Variants in NKAIN2 observed in about 807,000 individuals in gnomAD.
The protein encoded by NKAIN2 is sodium/potassium transporting ATPase interacting 2.
A neutral mutation model predicts 32.6 loss-of-function variants in NKAIN2; 14 were observed. That is an observed-to-expected ratio of 0.43 (90% confidence interval 0.28 to 0.67). NKAIN2 has a LOEUF of 0.67. NKAIN2 is among the 30% of genes least tolerant of loss of function. The probability of loss-of-function intolerance (pLI) is 0.17; values close to 1 mark genes in which losing one functional copy is unlikely to be tolerated. For synonymous variants in NKAIN2, 80 were observed against 87.2 expected (o/e 0.92, Z 0.46); for missense variants, 198 against 258.3 (o/e 0.77, Z 1.60).
At chr6:124,138,246 CTAAT>C (rs1339596040) in intron 1 of NKAIN2, among the ~76,000 whole-genome samples, 3 of 152,108 alleles carry the variant, frequency 2.0e-5, no homozygotes, top group African/African-American at 4.8e-5. Flanking sequence ...TTGAAAATCA[CTAAT>C]TATCAGGGAA....
At chr6:124,479,487 G>T (rs1307011850) in intron 3 of NKAIN2, among the ~76,000 whole-genome samples, 1 of 152,108 alleles carries the variant, frequency 6.6e-6, no homozygotes, top group Non-Finnish European at 1.5e-5. Context: ...CTGATCTGTT[G>T]CCCTGTCTGC....
chr6:124,413,479 A>T (rs1177432888), intron 3 of NKAIN2, among the ~76,000 whole-genome samples: 1 of 152,140 alleles, frequency 6.6e-6, no homozygotes, highest in Non-Finnish European at 1.5e-5. Context: ...TTGAAATCAG[A>T]TGGTATTTGT....
intron 4 of NKAIN2, among the ~76,000 whole-genome samples, chr6:124,671,040 T>C (rs937692025): frequency 3.9e-5 from 6 of 152,118 alleles, no homozygotes; most frequent in South Asian, 4.1e-4. Context: ...AAACAAACAA[T>C]ATATTTTTAG....
At chr6:124,370,156 A>G (rs1799692275) in intron 3 of NKAIN2, among the ~76,000 whole-genome samples, 1 of 151,128 alleles carries the variant, frequency 6.6e-6, no homozygotes, top group Non-Finnish European at 1.5e-5. Context: ...GCTACAGGTA[A>G]CCAGGGAGCA....
chr6:124,266,153 C>T (rs1794484355), intron 1 of NKAIN2, among the ~76,000 whole-genome samples: 2 of 152,042 alleles, frequency 1.3e-5, no homozygotes, highest in African/African-American at 4.8e-5. Context: ...CATGATGATT[C>T]TTTATATAAA....
At chr6:124,123,693 T>C (rs1786006430) in intron 1 of NKAIN2, among the ~76,000 whole-genome samples, 1 of 152,148 alleles carries the variant, frequency 6.6e-6, no homozygotes, top group African/African-American at 2.4e-5. Flanking sequence ...CATAATGACT[T>C]TGTGGTCTTA....
intron 2 of NKAIN2, among the ~76,000 whole-genome samples, chr6:124,324,029 G>A (rs2626125): frequency 0.036 from 5,406 of 151,966 alleles, 168 homozygotes; most frequent in African/African-American, 0.085. Flanking sequence ...CTGACCTCGT[G>A]ATCCACCCGC....
chr6:124,181,856 C>A (rs1263483453), intron 1 of NKAIN2, among the ~76,000 whole-genome samples: 1 of 152,162 alleles, frequency 6.6e-6, no homozygotes, highest in African/African-American at 2.4e-5. Context: ...TTTCCCACAT[C>A]TTTGTGTCTT....
At position 124,585,041 on chromosome 6, in the gene NKAIN2, A is replaced by G. The variant is rs541242321; in HGVS notation, c.274-73145A>G. ...ATTACAGCACTATTTGCAATAACCAATATTTTGAAGCAACCTAAGTGTCCA... is the reference window on the plus strand; with the variant it reads ...ATTACAGCACTATTTGCAATAACCAGTATTTTGAAGCAACCTAAGTGTCCA... On this transcript the variant is annotated intron_variant, in intron 3 of 6. Coordinates refer to ENST00000368417, the MANE Select transcript of NKAIN2 (RefSeq NM_001040214.3). Among the ~76,000 whole-genome samples the G allele has an allele frequency of 6.6e-5, 10 of 152,354 alleles. No individual in the cohort carries two copies. In the East Asian group the frequency reaches 1.2e-3, roughly 18 times the overall value.
intron 3 of NKAIN2, among the ~76,000 whole-genome samples, chr6:124,628,568 A>G (rs1014478139): frequency 6.6e-6 from 1 of 151,898 alleles, no homozygotes; most frequent in African/African-American, 2.4e-5. Context: ...ACTATTGTCA[A>G]TCAAGGCAAA....
Position 124,808,306 on chromosome 6 carries a change from C to T in NKAIN2, c.536-10081C>T, listed in dbSNP as rs1322337147. On this transcript the variant is annotated intron_variant, in intron 5 of 6. Coordinates refer to ENST00000368417, the MANE Select transcript of NKAIN2 (RefSeq NM_001040214.3). ...CCACCATGATCAAGTGGGCTTCATC[C>T]CTGGGATGCAAGGCTGGTTCAATAT... Among the ~76,000 whole-genome samples the T allele has an allele frequency of 7.2e-5, 11 of 151,890 alleles. No homozygotes were observed. In the East Asian group the frequency reaches 1.9e-3, roughly 27 times the overall value.
chr6:124,188,414 A>G (rs1789853051), intron 1 of NKAIN2, among the ~76,000 whole-genome samples: 1 of 152,178 alleles, frequency 6.6e-6, no homozygotes, highest in Non-Finnish European at 1.5e-5. Context: ...CAATTGATTA[A>G]ATTAAGCTCA....
chr6:124,647,161 A>G (rs1208770415), intron 3 of NKAIN2, among the ~76,000 whole-genome samples: 2 of 152,032 alleles, frequency 1.3e-5, no homozygotes, highest in Non-Finnish European at 2.9e-5. Flanking sequence ...TAAAATCATG[A>G]TAGTAATTAT....
chr6:124,209,008 A>G (rs1476936004), intron 1 of NKAIN2, among the ~76,000 whole-genome samples: 1 of 151,476 alleles, frequency 6.6e-6, no homozygotes, highest in Admixed American at 6.6e-5. Context: ...AAAATATGCC[A>G]TACATTATTG....
At chr6:123,830,540 GTT>G (rs1774336816) in intron 1 of NKAIN2, among the ~76,000 whole-genome samples, 1 of 152,084 alleles carries the variant, frequency 6.6e-6, no homozygotes, top group Admixed American at 6.6e-5. Context: ...TTCTCACGTA[GTT>G]TACACTTACA....
intron 4 of NKAIN2, among the ~76,000 whole-genome samples, chr6:124,780,622 A>T (rs1284284732): frequency 6.6e-6 from 1 of 152,200 alleles, no homozygotes; most frequent in African/African-American, 2.4e-5. Context: ...GCCAATCATG[A>T]ATGTCCTTCG....
In NKAIN2 at chr6:124,808,905, C is replaced by T. The variant is rs555139613; in HGVS notation, c.536-9482C>T. Among the ~76,000 whole-genome samples, 124 of 152,212 alleles carry T rather than the reference C, an allele frequency of 8.1e-4. 1 individual carries two copies. Among genetic ancestry groups the T allele is most frequent in the Admixed American group, 6.8e-3 (104 of 15,292 alleles). ...CAATTGCTTCAAAGAGAATAAAATACCTGGGAATCTACCTTACAAGGGACG... is the reference window on the plus strand; with the variant it reads ...CAATTGCTTCAAAGAGAATAAAATATCTGGGAATCTACCTTACAAGGGACG... On this transcript the variant is annotated intron_variant, in intron 5 of 6. Coordinates refer to ENST00000368417, the MANE Select transcript of NKAIN2 (RefSeq NM_001040214.3).
chr6:123,846,844 GCACACA>G (rs34106417), intron 1 of NKAIN2, among the ~76,000 whole-genome samples: 1 of 150,624 alleles, frequency 6.6e-6, no homozygotes, highest in Non-Finnish European at 1.5e-5. Flanking sequence ...ACGCACGCGC[GCACACA>G]CACACACACA....
chr6:123,967,617 A>G (rs1778145210), intron 1 of NKAIN2, among the ~76,000 whole-genome samples: 1 of 152,184 alleles, frequency 6.6e-6, no homozygotes, highest in Admixed American at 6.5e-5. Context: ...AGGTTGGTGT[A>G]GAGCACAGAA....
Sources: gnomAD v4.1 joint callset for allele counts (sites outside exome capture counted in the v4.1 genomes callset) on GRCh38, gnomAD v4.1.1 for gene constraint, MANE v1.5 for transcripts, NCBI Gene and HGNC (gene_info 2026-07-23, HGNC 2026-07-21) for gene names.